Variants in VAMP7 observed in about 807,000 individuals in gnomAD.
The protein encoded by VAMP7 is vesicle-associated membrane protein 7.
Under a neutral mutation model 29.6 loss-of-function variants are expected in VAMP7, and 14 were observed. That is an observed-to-expected ratio of 0.47 (90% confidence interval 0.31 to 0.74). VAMP7 has a LOEUF of 0.74. Ranked by LOEUF, VAMP7 falls within the 30% of genes least tolerant of loss-of-function variation. VAMP7 has a pLI of 0.05. For synonymous variants in VAMP7, 95 were observed against 88.1 expected (o/e 1.08, Z -0.44); for missense variants, 223 against 262.4 (o/e 0.85, Z 1.04).
rs939125171 is a variant in VAMP7, at chrX:155,942,707, C to A, written c.*756C>A. 3.9e-5 allele frequency: 6 copies of A among 153,582 alleles called. No homozygotes were observed. The highest frequency in any genetic ancestry group is 1.5e-4 in the African/African-American group (6 of 41,368). 9.5% of individuals were successfully genotyped at this position (153,582 alleles called of 1,614,324 possible). On this transcript the variant is annotated 3_prime_UTR_variant, in exon 8 of 8. Coordinates refer to ENST00000286448, the MANE Select transcript of VAMP7 (RefSeq NM_005638.6). ...AAGTTGCAGTTTTTTAAATGTGTTC[C>A]TTTTTCTTCTGTGAATATTTAGGGC...
chrX:155,883,867 C>T (rs1337622355), intron 1 of VAMP7, among the ~76,000 whole-genome samples: 7 of 151,828 alleles, frequency 4.6e-5, no homozygotes, highest in African/African-American at 9.7e-5. Context: ...CACACCACCA[C>T]GCCTGACTAA....
At chrX:155,882,832 G>A (rs1439217643) in intron 1 of VAMP7, among the ~76,000 whole-genome samples, 2 of 152,168 alleles carry the variant, frequency 1.3e-5, no homozygotes, top group African/African-American at 4.8e-5. Flanking sequence ...TAGGCACTGT[G>A]CTGAGCACTG....
At chrX:155,924,037 A>G (rs1402722997) in intron 6 of VAMP7, among the ~76,000 whole-genome samples, 1 of 152,076 alleles carries the variant, frequency 6.6e-6, no homozygotes, top group East Asian at 1.9e-4. Flanking sequence ...TGCTTATTCC[A>G]CTTACATGTA....
chrX:155,919,115 C>G (rs953578725), intron 5 of VAMP7, among the ~76,000 whole-genome samples: 6 of 151,924 alleles, frequency 3.9e-5, no homozygotes, highest in Admixed American at 2.0e-4. Flanking sequence ...GGGAGAATTC[C>G]CTCCTCTTGA....
chrX:155,940,090 ATTG>A (rs2066722022), intron 7 of VAMP7, among the ~76,000 whole-genome samples: 1 of 151,922 alleles, frequency 6.6e-6, no homozygotes, highest in African/African-American at 2.4e-5. Context: ...TAATGGGTTT[ATTG>A]TTTTTATTTT....
At chrX:155,904,029 A>G (rs1303642254) in intron 5 of VAMP7, among the ~76,000 whole-genome samples, 25 of 152,028 alleles carry the variant, frequency 1.6e-4, no homozygotes, top group Non-Finnish European at 3.1e-4. Context: ...GCAGCCATAA[A>G]AAATGATGAG....
intron 5 of VAMP7, among the ~76,000 whole-genome samples, chrX:155,904,546 C>T (rs2066120076): frequency 6.6e-6 from 1 of 151,920 alleles, no homozygotes; most frequent in African/African-American, 2.4e-5. Flanking sequence ...AATTTTGTAA[C>T]ATTTTTATCA....
At position 155,901,359 on chromosome X, in the gene VAMP7, CT is replaced by C. The variant is rs927552713; in HGVS notation, c.433+780del. ...GAGACAACTACTATTTATTTTTATT[CT>C]TTTTTTTGTCACCAAATGTATTTAT... On this transcript the variant is annotated intron_variant, in intron 5 of 7. Coordinates refer to ENST00000286448, the MANE Select transcript of VAMP7 (RefSeq NM_005638.6). 8.4e-5 allele frequency among the ~76,000 whole-genome samples: 12 copies of C among 142,992 alleles called. No homozygotes were observed. In the East Asian group the frequency reaches 9.7e-4, roughly 12 times the overall value. 93.8% of individuals were successfully genotyped at this position (142,992 alleles called of 152,430 possible). A position where few individuals can be genotyped will look rare whatever the true frequency, so the allele number is the denominator to read the frequency against.
At chrX:155,925,277 C>T (rs1053529229) in intron 6 of VAMP7, among the ~76,000 whole-genome samples, 11 of 152,250 alleles carry the variant, frequency 7.2e-5, no homozygotes, top group Non-Finnish European at 1.6e-4. Context: ...AGAAGGTCTT[C>T]AGTTTACTTT....
rs1189639743 is a variant in VAMP7 at position 155,943,567 on chromosome X, G to C, written c.*1616G>C. 4.6e-5 allele frequency: 7 copies of C among 152,066 alleles called. No individual in the cohort carries two copies. Among genetic ancestry groups the C allele is most frequent in the Non-Finnish European group, 7.4e-5 (5 of 67,994 alleles). 9.4% of individuals were successfully genotyped at this position (152,066 alleles called of 1,614,324 possible). On this transcript the variant is annotated 3_prime_UTR_variant, in exon 8 of 8. Coordinates refer to ENST00000286448, the MANE Select transcript of VAMP7 (RefSeq NM_005638.6). Reference sequence around the variant, plus strand: ...TGGCATTCCTGAATAATTTCCAAATGTTTTTAATCCAAAGAAAAAGGTTTA... The same window carrying C: ...TGGCATTCCTGAATAATTTCCAAATCTTTTTAATCCAAAGAAAAAGGTTTA...
chrX:155,927,765 G>GA (rs2066491679), intron 6 of VAMP7, among the ~76,000 whole-genome samples: 1 of 141,204 alleles, frequency 7.1e-6, no homozygotes, highest in African/African-American at 2.6e-5. Context: ...CACAATGGCA[G>GA]TTTTTTTTTT....
intron 5 of VAMP7, among the ~76,000 whole-genome samples, chrX:155,908,498 A>G (rs751551313): frequency 6.6e-6 from 1 of 152,192 alleles, no homozygotes; most frequent in African/African-American, 2.4e-5. Flanking sequence ...AGTACAGTCC[A>G]GCTTCGGCTG....
chrX:155,898,327 C>T (rs2066014851), intron 4 of VAMP7, 78 bp downstream of exon 4: 3 of 1,526,238 alleles, frequency 2.0e-6, no homozygotes, highest in Non-Finnish European at 2.7e-6. Context: ...CTAGGGGGCC[C>T]TGACCTGCAA....
chrX:155,939,901 T>C, intron 7 of VAMP7, 108 bp downstream of exon 7: 1 of 953,388 alleles, frequency 1.0e-6, no homozygotes, highest in East Asian at 2.4e-5. Context: ...TACATATGTC[T>C]TTTAATAGTG....
intron 2 of VAMP7, among the ~76,000 whole-genome samples, chrX:155,894,891 C>T (rs1171334433): frequency 6.6e-6 from 1 of 152,146 alleles, no homozygotes; most frequent in Admixed American, 6.6e-5. Flanking sequence ...GCTAGGATTA[C>T]AGGCATGAGC....
chrX:155,941,930 G>A lies in VAMP7; in HGVS notation c.642G>A (p.Trp214Ter). The change falls in exon 8 of 8, where the codon TGG (tryptophan) becomes TGA (stop). Residue 214 changes from tryptophan to a stop codon, truncating the protein, a stop_gained. Coordinates refer to ENST00000286448, the MANE Select transcript of VAMP7 (RefSeq NM_005638.6). LOFTEE classifies it high-confidence loss of function. ...CACCTCTCTGTGGTGGATTTACATG[G>A]CCAAGCTGTGTGAAGAAATAGGAAA... ...IVSPLCGGFT[W>*]PSCVKK 1 of 1,613,646 alleles carries A rather than the reference G, an allele frequency of 6.2e-7. No homozygotes were observed. The highest frequency in any genetic ancestry group is 8.5e-7 in the Non-Finnish European group (1 of 1,179,770).
At chrX:155,905,180 T>A (rs2066130355) in intron 5 of VAMP7, among the ~76,000 whole-genome samples, 2 of 152,084 alleles carry the variant, frequency 1.3e-5, no homozygotes, top group Admixed American at 6.6e-5. Flanking sequence ...GTTGAGCATT[T>A]TTTCATGTGC....
Position 155,898,152 on chromosome X carries a change from T to A in VAMP7, c.245T>A (p.Ile82Lys). ...RSRAFNFLNE[I>K]KKRFQTTYGS... Reference sequence around the variant, plus strand: ...CGAGCCTTTAATTTTCTGAATGAGATAAAGAAGAGGTTCCAGACTACTTAC... The same window carrying A: ...CGAGCCTTTAATTTTCTGAATGAGAAAAAGAAGAGGTTCCAGACTACTTAC... Residue 82 changes from isoleucine to lysine, a missense_variant, in exon 4 of 8, where the codon ATA becomes AAA. Coordinates refer to ENST00000286448, the MANE Select transcript of VAMP7 (RefSeq NM_005638.6). 1 of 1,613,586 alleles carries A rather than the reference T, an allele frequency of 6.2e-7. No individual in the cohort carries two copies. Among genetic ancestry groups the A allele is most frequent in the Non-Finnish European group, 8.5e-7 (1 of 1,179,626 alleles).
chrX:155,893,593 C>G (rs771919870), intron 2 of VAMP7, among the ~76,000 whole-genome samples: 2 of 152,272 alleles, frequency 1.3e-5, no homozygotes, highest in South Asian at 2.1e-4. Context: ...CCCGCTAATT[C>G]AGTTCTTGAT....
Sources: gnomAD v4.1 joint callset for allele counts (sites outside exome capture counted in the v4.1 genomes callset) on GRCh38, gnomAD v4.1.1 for gene constraint, MANE v1.5 for transcripts, NCBI Gene and HGNC (gene_info 2026-07-23, HGNC 2026-07-21) for gene names.